The following TANC2 variants were observed in gnomAD, a reference collection of about 807,000 sequenced individuals.
The protein encoded by TANC2 is tetratricopeptide repeat, ankyrin repeat and coiled-coil containing 2.
TANC2 carries 26 observed loss-of-function variants against 210.5 expected under a neutral mutation model. The observed-to-expected ratio is 0.12, with a 90% CI of 0.09 to 0.17. The LOEUF is 0.17. Ranked by LOEUF, TANC2 falls within the 10% of genes least tolerant of loss-of-function variation. TANC2 has a pLI of 1.00. For synonymous variants in TANC2, 931 were observed against 967.1 expected, an observed-to-expected ratio of 0.96 and a Z score of 0.69; for missense variants, 2,129 against 2,608.9, an observed-to-expected ratio of 0.82 and a Z score of 4.01.
chr17:63,394,095 G>A (rs2048078163), intron 17 of TANC2, among the ~76,000 whole-genome samples: 1 of 152,094 alleles, frequency 6.6e-6, no homozygotes, highest in Admixed American at 6.5e-5. Context: ...TTGCTTTGAT[G>A]TTTGCCTAAC....
chr17:63,209,887 T>C (rs1180894436), intron 7 of TANC2, among the ~76,000 whole-genome samples: 1 of 152,236 alleles, frequency 6.6e-6, no homozygotes, highest in Admixed American at 6.5e-5. Flanking sequence ...TTTACAAATA[T>C]CTTTTGAGGT....
chr17:63,262,281 G>A (rs2043384373), intron 8 of TANC2, among the ~76,000 whole-genome samples: 1 of 152,162 alleles, frequency 6.6e-6, no homozygotes, highest in East Asian at 1.9e-4. Flanking sequence ...CTGGGCTCAA[G>A]CAATTCTCTC....
intron 12 of TANC2, among the ~76,000 whole-genome samples, chr17:63,341,422 G>A (rs1462037431): frequency 6.6e-6 from 1 of 152,120 alleles, no homozygotes; most frequent in East Asian, 1.9e-4. Context: ...ATTGTTTCTA[G>A]CATCATTACC....
intron 3 of TANC2, among the ~76,000 whole-genome samples, chr17:63,079,024 A>G (rs2036671546): frequency 6.6e-6 from 1 of 152,184 alleles, no homozygotes; most frequent in African/African-American, 2.4e-5. Flanking sequence ...TTCTCCTTGC[A>G]GTTCTGTCAC....
chr17:63,070,233 A>G (rs2036346437), intron 2 of TANC2, among the ~76,000 whole-genome samples: 1 of 152,174 alleles, frequency 6.6e-6, no homozygotes, highest in African/African-American at 2.4e-5. Context: ...GGGAAAAAAA[A>G]TCTCTTTCAC....
intron 6 of TANC2, among the ~76,000 whole-genome samples, chr17:63,198,927 T>C (rs1418522276): frequency 6.6e-6 from 1 of 152,198 alleles, no homozygotes; most frequent in African/African-American, 2.4e-5. Context: ...TACTGTGTTG[T>C]TAAGAAAAAT....
At chr17:63,195,787 T>C (rs925615665) in intron 6 of TANC2, among the ~76,000 whole-genome samples, 2 of 152,222 alleles carry the variant, frequency 1.3e-5, no homozygotes, top group African/African-American at 4.8e-5. Context: ...AATCTTCTAC[T>C]GTATTCCCAT....
intron 7 of TANC2, among the ~76,000 whole-genome samples, chr17:63,221,435 TC>T (rs2042187046): frequency 1.0e-5 from 1 of 97,606 alleles, no homozygotes; most frequent in South Asian, 3.2e-4. Flanking sequence ...AGAGTGAGAC[TC>T]CATCTCAAAA....
chr17:63,200,906 G>T lies in TANC2; in HGVS notation c.718G>T (p.Ala240Ser), dbSNP rs201520197. 4.2e-4 allele frequency: 670 copies of T among 1,613,754 alleles called. No homozygotes were observed. The highest frequency in any genetic ancestry group is 5.5e-4 in the Non-Finnish European group (653 of 1,179,770). The change falls in exon 7 of 28, where the codon GCT becomes TCT. Residue 240 changes from alanine to serine, a missense_variant. Ala to Ser is a moderately conservative substitution (Grantham distance 99). This residue lies in a region of TANC2 where 739 missense variants were observed against 848.0 expected (regional missense o/e 0.87). Coordinates refer to ENST00000689528, the Ensembl canonical transcript of TANC2. ...AACTGCCAAGGACTGCAGCTATGGG[G>T]CTGTTACTAGTCCAACCTCTACCCT...
At chr17:63,029,967 A>G (rs1295155568) in intron 2 of TANC2, among the ~76,000 whole-genome samples, 2 of 152,148 alleles carry the variant, frequency 1.3e-5, no homozygotes, top group Non-Finnish European at 2.9e-5. Flanking sequence ...AAAGTTGCTA[A>G]AAAGAATGGA....
At chr17:63,302,677 A>T (rs1001686638) in intron 9 of TANC2, among the ~76,000 whole-genome samples, 1 of 118,668 alleles carries the variant, frequency 8.4e-6, no homozygotes, top group Non-Finnish European at 1.6e-5. Context: ...TTTTGAGCCT[A>T]TGTGTGTCTT....
At chr17:63,176,274 A>G (rs1463614315) in intron 5 of TANC2, among the ~76,000 whole-genome samples, 2 of 152,238 alleles carry the variant, frequency 1.3e-5, no homozygotes, top group African/African-American at 2.4e-5. Context: ...CATATCAGCC[A>G]AAAACTGGAA....
At chr17:62,990,331 T>C (rs2032793890) in intron 1 of TANC2, among the ~76,000 whole-genome samples, 1 of 152,046 alleles carries the variant, frequency 6.6e-6, no homozygotes. Flanking sequence ...CAGGCTGGAG[T>C]GCAGTGACAC....
At chr17:63,145,219 T>G (rs1484205861) in intron 4 of TANC2, among the ~76,000 whole-genome samples, 1 of 152,060 alleles carries the variant, frequency 6.6e-6, no homozygotes, top group Non-Finnish European at 1.5e-5. Context: ...GAGGATGCCC[T>G]TCCCACCTAT....
chr17:63,093,449 C>A (rs992584421), intron 3 of TANC2, among the ~76,000 whole-genome samples: 1 of 152,038 alleles, frequency 6.6e-6, no homozygotes, highest in East Asian at 1.9e-4. Context: ...TCTGGATGCT[C>A]TAGACTGTTT....
intron 4 of TANC2, among the ~76,000 whole-genome samples, chr17:63,131,346 T>A (rs772970733): frequency 1.3e-5 from 2 of 152,198 alleles, no homozygotes; most frequent in Non-Finnish European, 2.9e-5. Flanking sequence ...ATTCTGAGGC[T>A]CTGCTGCTGC....
At chr17:63,318,841 CTT>C (rs2045399778) in intron 10 of TANC2, 114 bp from the exon 11 acceptor site, 4 of 1,221,148 alleles carry the variant, frequency 3.3e-6, no homozygotes, top group Non-Finnish European at 4.6e-6. Flanking sequence ...TTTTATTTCT[CTT>C]AAGTATATAC....
At chr17:62,973,747 C>T (rs1363918263) in intron 1 of TANC2, among the ~76,000 whole-genome samples, 2 of 152,130 alleles carry the variant, frequency 1.3e-5, no homozygotes, top group African/African-American at 4.8e-5. Flanking sequence ...CAAACTATAG[C>T]CCATAGACCA....
chr17:63,426,174 C>G (rs1366640269), exon 28 of TANC2: 1 of 152,318 alleles, frequency 6.6e-6, no homozygotes, highest in Non-Finnish European at 1.5e-5. Context: ...GCCTCCACAC[C>G]GAGGGCTGTG....
Sources: allele counts gnomAD v4.1 joint callset (sites outside exome capture counted in the v4.1 genomes callset), GRCh38; gene constraint gnomAD v4.1.1; regional missense constraint gnomAD v4.1.1; transcripts MANE v1.5; gene names NCBI Gene and HGNC (gene_info 2026-07-23, HGNC 2026-07-21).